Variants in CCDC12 observed in about 807,000 individuals in gnomAD.
CCDC12 encodes coiled-coil domain-containing protein 12.
In CCDC12, 28 loss-of-function variants were observed where a neutral mutation model predicts 25.7. The observed-to-expected ratio is 1.09, with a 90% CI of 0.81 to 1.50. The LOEUF (loss-of-function observed/expected upper bound fraction) is 1.50, where lower values mean the gene tolerates loss of function less well. Among genes scored for constraint, CCDC12 ranks in the 40% most tolerant of loss-of-function variants. The pLI is 0.00. For missense variants in CCDC12, 198 were observed against 210.0 expected (o/e 0.94, Z 0.35); for synonymous variants, 75 against 87.7 (o/e 0.86, Z 0.81).
chr3:46,931,999 TAAC>T (rs979033414), intron 2 of CCDC12, among the ~76,000 whole-genome samples: 1 of 152,010 alleles, frequency 6.6e-6, no homozygotes, highest in African/African-American at 2.4e-5. Flanking sequence ...CCAATATAAA[TAAC>T]AAGGCTTCAG....
intron 1 of CCDC12, among the ~76,000 whole-genome samples, chr3:46,975,519 ATCTTT>A (rs1186480029): frequency 1.4e-5 from 2 of 140,818 alleles, no homozygotes; most frequent in Middle Eastern, 3.4e-3. Flanking sequence ...TTAGAAATAA[ATCTTT>A]TCTTTTTTTT....
At chr3:46,945,250 A>G (rs1013717339) in intron 1 of CCDC12, among the ~76,000 whole-genome samples, 8 of 152,236 alleles carry the variant, frequency 5.3e-5, no homozygotes, top group African/African-American at 1.2e-4. Context: ...AATGCTACCA[A>G]TTTAACTGCT....
At chr3:46,951,806 T>A (rs868414810) in intron 1 of CCDC12, among the ~76,000 whole-genome samples, 362 of 34,438 alleles carry the variant, frequency 0.011, 1 homozygote, top group South Asian at 0.014. Context: ...AAAATATATA[T>A]ATATATATAT....
chr3:46,960,431 T>A (rs763498931), intron 1 of CCDC12, among the ~76,000 whole-genome samples: 6 of 152,146 alleles, frequency 3.9e-5, no homozygotes, highest in Non-Finnish European at 7.3e-5. Context: ...GGATTCAAAT[T>A]ACCCTGCAAG....
upstream of CCDC12, chr3:46,979,784 T>C: frequency 2.7e-6 from 1 of 369,182 alleles, no homozygotes. Context: ...CCCATGGGCC[T>C]GGCCGAGGGC....
At chr3:46,981,807 A>T (rs1467550939) in intron 1 of CCDC12, 1 of 151,938 alleles carries the variant, frequency 6.6e-6, no homozygotes, top group Non-Finnish European at 1.5e-5. Flanking sequence ...CAGGACAGTA[A>T]CTCCAGCATG....
intron 2 of CCDC12, among the ~76,000 whole-genome samples, chr3:46,933,925 A>AT (rs375733355): frequency 0.024 from 1,137 of 48,124 alleles, 9 homozygotes; most frequent in South Asian, 0.13. Context: ...ATCAATTGAA[A>AT]ATTTTTTTTT....
intron 2 of CCDC12, among the ~76,000 whole-genome samples, chr3:46,937,397 C>T (rs2033489961): frequency 6.6e-6 from 1 of 152,240 alleles, no homozygotes; most frequent in South Asian, 2.1e-4. Flanking sequence ...CTCCTCTCAG[C>T]ACACTCCAGA....
intron 1 of CCDC12, among the ~76,000 whole-genome samples, chr3:46,961,246 A>G (rs1281454450): frequency 6.6e-6 from 1 of 152,196 alleles, no homozygotes; most frequent in Non-Finnish European, 1.5e-5. Context: ...TCTTCTCCAG[A>G]AACAAAAATA....
At chr3:46,980,982 T>C (rs748121459), upstream of CCDC12, among the ~76,000 whole-genome samples, 37 of 152,172 alleles carry the variant, frequency 2.4e-4, no homozygotes, top group Non-Finnish European at 4.3e-4. Context: ...GCTGGCCCAC[T>C]GTCTTCCACG....
chr3:46,932,009 T>A (rs1204358382), intron 2 of CCDC12, among the ~76,000 whole-genome samples: 4 of 152,160 alleles, frequency 2.6e-5, no homozygotes, highest in Admixed American at 1.3e-4. Context: ...TAACAAGGCT[T>A]CAGTTGCTGC....
At chr3:46,941,093 C>T in intron 1 of CCDC12, 28 bp from the exon 2 acceptor site, 1 of 1,612,098 alleles carries the variant, frequency 6.2e-7, no homozygotes, top group Non-Finnish European at 8.5e-7. Context: ...AAACCACCAG[C>T]TCAGTTGAAA....
At position 46,925,499 on chromosome 3, in the gene CCDC12, C is replaced by T; in HGVS notation, c.201G>A (p.Glu67=). The part of the protein sequence containing the change: ...LRLRNYVPED[E]DLKKRRVPQA... Reference sequence around the variant, plus strand: ...GGGGCACCCTCCTCTTCTTCAGGTCCTCATCCTCCGGGACATAGTTCCGCA... The same window carrying T: ...GGGGCACCCTCCTCTTCTTCAGGTCTTCATCCTCCGGGACATAGTTCCGCA... Residue 67 remains glutamate (E), a synonymous_variant, in exon 3 of 7, where the codon GAG becomes GAA. Coordinates refer to ENST00000683445, the MANE Select transcript of CCDC12 (RefSeq NM_001277074.2). 3 of 1,605,302 alleles carry T rather than the reference C, an allele frequency of 1.9e-6. No individual in the cohort carries two copies. In the Middle Eastern group the frequency reaches 5.0e-4, roughly 266 times the overall value.
intron 1 of CCDC12, among the ~76,000 whole-genome samples, chr3:46,950,363 A>G (rs753056132): frequency 2.0e-5 from 3 of 152,150 alleles, no homozygotes; most frequent in Non-Finnish European, 4.4e-5. Flanking sequence ...TCCAGGCTGG[A>G]ATGCATGGTG....
chr3:46,944,004 A>G (rs1432519160), intron 1 of CCDC12, among the ~76,000 whole-genome samples: 1 of 152,200 alleles, frequency 6.6e-6, no homozygotes, highest in Admixed American at 6.5e-5. Context: ...TTTTGGTGAC[A>G]CTGGCCTGAA....
intron 1 of CCDC12, among the ~76,000 whole-genome samples, chr3:46,973,754 A>T (rs2034880895): frequency 6.6e-6 from 1 of 151,386 alleles, no homozygotes; most frequent in Non-Finnish European, 1.5e-5. Flanking sequence ...CTGGGACTAC[A>T]GGCGCCCACC....
chr3:46,961,641 G>A (rs761334996), intron 1 of CCDC12, among the ~76,000 whole-genome samples: 4 of 152,346 alleles, frequency 2.6e-5, no homozygotes, highest in Admixed American at 1.3e-4. Context: ...TGAATGTTTT[G>A]TTAAAATAAG....
chr3:46,941,606 C>T (rs1475563208), intron 1 of CCDC12, among the ~76,000 whole-genome samples: 2 of 151,986 alleles, frequency 1.3e-5, no homozygotes, highest in African/African-American at 4.8e-5. Context: ...TAACTCCAGC[C>T]CAGTCCCAGG....
At chr3:46,959,882 C>T (rs538556975) in intron 1 of CCDC12, among the ~76,000 whole-genome samples, 1 of 152,346 alleles carries the variant, frequency 6.6e-6, no homozygotes, top group South Asian at 2.1e-4. Context: ...AGTGTTTTCT[C>T]AGCACCTCTA....
Sources: allele counts gnomAD v4.1 joint callset (sites outside exome capture counted in the v4.1 genomes callset), GRCh38; gene constraint gnomAD v4.1.1; transcripts MANE v1.5; gene names NCBI Gene and HGNC (gene_info 2026-07-23, HGNC 2026-07-21).